Variants in SYNRG observed in about 807,000 individuals in gnomAD.
SYNRG encodes the protein AP1 gamma subunit binding protein 1.
In SYNRG, 37 loss-of-function variants were observed where a neutral mutation model predicts 130.9. The ratio of observed to expected loss-of-function variants is 0.28; its 90% CI spans 0.22 to 0.37. SYNRG has a LOEUF of 0.37. Ranked by LOEUF, SYNRG falls within the 10% of genes least tolerant of loss-of-function variation. SYNRG has a pLI of 1.00. For missense variants in SYNRG, 1,338 were observed against 1,588.9 expected, an observed-to-expected ratio of 0.84 and a Z score of 2.68; for synonymous variants, 539 against 568.1, an observed-to-expected ratio of 0.95 and a Z score of 0.73.
chr17:37,520,159 A>C lies in SYNRG; in HGVS notation c.3813+20T>G. 1 of 1,614,088 alleles carries C rather than the reference A, an allele frequency of 6.2e-7. No individual in the cohort carries two copies. Among genetic ancestry groups the C allele is most frequent in the Non-Finnish European group, 8.5e-7 (1 of 1,179,928 alleles). On this transcript the variant is annotated intron_variant, in intron 21 of 21. Coordinates refer to ENST00000612223, the MANE Select transcript of SYNRG (RefSeq NM_007247.6). Reference sequence around the variant, plus strand: ...AAAATTAAAATGGAGACGCTAAGATAAGGTGTAACTGGTTCATACTTTTTT... The same window carrying C: ...AAAATTAAAATGGAGACGCTAAGATCAGGTGTAACTGGTTCATACTTTTTT...
At chr17:37,579,748 AG>A (rs2061140593) in intron 6 of SYNRG, among the ~76,000 whole-genome samples, 3 of 152,324 alleles carry the variant, frequency 2.0e-5, no homozygotes, top group African/African-American at 7.2e-5. Context: ...TCTGTCACCT[AG>A]GCTACAGTGC....
At chr17:37,540,607 T>C in intron 15 of SYNRG, 64 bp from the exon 16 acceptor site, 3 of 1,447,700 alleles carry the variant, frequency 2.1e-6, no homozygotes, top group South Asian at 2.6e-5. Flanking sequence ...GCAGAGGCTC[T>C]TCCTCGCTAC....
In SYNRG at chr17:37,589,618, G is replaced by A. The variant is rs948063032; in HGVS notation, c.241-3069C>T. Among the ~76,000 whole-genome samples, 15 of 152,018 alleles carry A rather than the reference G, an allele frequency of 9.9e-5. No homozygotes were observed. In the South Asian group the frequency reaches 1.7e-3, roughly 17 times the overall value. Reference sequence around the variant, plus strand: ...CAAAAAATTAGCCGGGCGTGGTGGCGGGCGCCTGTAGTCCCATCTATTCGG... The same window carrying A: ...CAAAAAATTAGCCGGGCGTGGTGGCAGGCGCCTGTAGTCCCATCTATTCGG... On this transcript the variant is annotated intron_variant, in intron 3 of 21. Coordinates refer to ENST00000612223, the MANE Select transcript of SYNRG (RefSeq NM_007247.6).
chr17:37,586,472 A>T lies in SYNRG; in HGVS notation c.318T>A (p.Pro106=), dbSNP rs2061696669. Residue 106 remains proline (P), a synonymous_variant, in exon 4 of 22, where the codon CCT becomes CCA. Coordinates refer to ENST00000612223, the MANE Select transcript of SYNRG (RefSeq NM_007247.6). The stretch of plus-strand genomic sequence containing the variant: ...TGTCTGGAGTGTACTGTGGGCCTGG[A>T]GGACGCATGCCCAGGAAGGGTGCTT... ...LGQAPFLGMR[P]PGPQYTPDMQ... is the part of the protein sequence containing the mutation. 6.2e-7 allele frequency: 1 copy of T among 1,614,136 alleles called. No individual in the cohort carries two copies. Among genetic ancestry groups the T allele is most frequent in the Non-Finnish European group, 8.5e-7 (1 of 1,180,028 alleles).
chr17:37,561,367 G>T, intron 12 of SYNRG, 104 bp downstream of exon 12: 1 of 1,406,752 alleles, frequency 7.1e-7, no homozygotes, highest in Non-Finnish European at 1.0e-6. Context: ...TGGTATACAG[G>T]CATTTTACAT....
intron 19 of SYNRG, among the ~76,000 whole-genome samples, chr17:37,531,432 C>A (rs1203341443): frequency 6.6e-6 from 1 of 151,470 alleles, no homozygotes; most frequent in African/African-American, 2.4e-5. Context: ...GCAACAAATG[C>A]TATTGAAAGA....
At chr17:37,544,298 T>G (rs1286898232) in intron 14 of SYNRG, among the ~76,000 whole-genome samples, 1 of 151,800 alleles carries the variant, frequency 6.6e-6, no homozygotes, top group Non-Finnish European at 1.5e-5. Flanking sequence ...ACGACTCAGG[T>G]GAAAAGTTTT....
chr17:37,586,608 A>AAAAATGTGACTTCCAT lies in SYNRG; in HGVS notation c.241-75_241-60dup, dbSNP rs903238277. On this transcript the variant is annotated intron_variant, in intron 3 of 21. Transcript: ENST00000612223. ...ATTTATCCCTTTAATTATCACACACAAAAATGTGACTTCCATAAATTCTAT... is the reference window on the plus strand; with the variant it reads ...ATTTATCCCTTTAATTATCACACACAAAAATGTGACTTCCATAAAATGTGACTTCCATAAATTCTAT... 1.9e-6 allele frequency: 3 copies of AAAAATGTGACTTCCAT among 1,581,500 alleles called. No individual in the cohort carries two copies. The Admixed American group carries it at 5.3e-5, about 28-fold the overall frequency.
At chr17:37,575,210 G>A (rs2060722463) in intron 8 of SYNRG, among the ~76,000 whole-genome samples, 1 of 152,038 alleles carries the variant, frequency 6.6e-6, no homozygotes, top group Admixed American at 6.6e-5. Context: ...AATATAGTTG[G>A]ATAGGAGGAA....
chr17:37,571,830 T>C lies in SYNRG; in HGVS notation c.1059A>G (p.Glu353=). 1.9e-6 allele frequency: 3 copies of C among 1,614,188 alleles called. No homozygotes were observed. Among genetic ancestry groups the C allele is most frequent in the Non-Finnish European group, 2.5e-6 (3 of 1,180,036 alleles). ...TCATGGCTAGAACGGTATAAAGTTC[T>C]TCTTTTGTAAGTTTGCCAGGTGTAG... ...NRTTPGKLTK[E]ELYTVLAMIA... Residue 353 remains glutamate (E), a synonymous_variant, in exon 9 of 22, where the codon GAA becomes GAG. Transcript: ENST00000612223.
chr17:37,562,390 TTTCTTC>T (rs35772731), intron 11 of SYNRG, among the ~76,000 whole-genome samples: 22 of 151,810 alleles, frequency 1.4e-4, no homozygotes, highest in East Asian at 3.9e-4. Context: ...AGCATTACTT[TTTCTTC>T]TTCTTCTTCT....
intron 3 of SYNRG, among the ~76,000 whole-genome samples, chr17:37,587,910 T>C (rs990927529): frequency 6.6e-6 from 1 of 152,228 alleles, no homozygotes; most frequent in Non-Finnish European, 1.5e-5. Context: ...CCTATCCTTC[T>C]AGCTCATCTA....
chr17:37,577,467 C>T lies in SYNRG; in HGVS notation c.736G>A (p.Gly246Arg). 2 of 1,614,158 alleles carry T rather than the reference C, an allele frequency of 1.2e-6. No individual in the cohort carries two copies. The highest frequency in any genetic ancestry group is 1.7e-6 in the Non-Finnish European group (2 of 1,180,028). ...KKYPSLMASN[G>R]VAVDGCVSGT... The stretch of plus-strand genomic sequence containing the variant: ...CTTACACATCCATCTACAGCAACCC[C>T]GTTACTGGCCATTAAACTGGGATAC... Residue 246 changes from glycine to arginine, a missense_variant, in exon 7 of 22, where the codon GGG becomes AGG. Gly to Arg is a moderately radical substitution (Grantham distance 125). Coordinates refer to ENST00000612223, the MANE Select transcript of SYNRG (RefSeq NM_007247.6).
rs1486325720 is a variant in SYNRG at position 37,585,654 on chromosome 17, AT to A, written c.372-225del. ...TGATTTACCTAAATTATGTATATGA[AT>A]TTATTTCTCATCTAATTTGCAAGAG... On this transcript the variant is annotated intron_variant, in intron 4 of 21. Transcript: ENST00000612223. Among the ~76,000 whole-genome samples the A allele has an allele frequency of 4.6e-5, 7 of 152,354 alleles. No individual in the cohort carries two copies. In the South Asian group the frequency reaches 1.4e-3, roughly 32 times the overall value.
chr17:37,519,178 G>A (rs1017030230), intron 21 of SYNRG, 107 bp from the exon 22 acceptor site: 5 of 1,436,316 alleles, frequency 3.5e-6, no homozygotes, highest in Non-Finnish European at 4.7e-6. Flanking sequence ...AGAGGCTGAG[G>A]CCAAAATGGC....
rs1258134227 is a variant in SYNRG at position 37,521,072 on chromosome 17, G to A, written c.3667-424C>T. Among the ~76,000 whole-genome samples the A allele has an allele frequency of 1.4e-4, 20 of 146,240 alleles. No individual in the cohort carries two copies. In the South Asian group the frequency reaches 3.1e-3, roughly 22 times the overall value. On this transcript the variant is annotated intron_variant, in intron 19 of 21. Coordinates refer to ENST00000612223, the MANE Select transcript of SYNRG (RefSeq NM_007247.6). Reference sequence around the variant, plus strand: ...TTTGGAGACAGAGTCTCACTCTGTCGCCCAGGCTGGAGTGCAATGGTGTGA... The same window carrying A: ...TTTGGAGACAGAGTCTCACTCTGTCACCCAGGCTGGAGTGCAATGGTGTGA...
At chr17:37,571,653 C>T in intron 9 of SYNRG, 138 bp downstream of exon 9, 2 of 753,966 alleles carry the variant, frequency 2.7e-6, no homozygotes, top group Non-Finnish European at 4.1e-6. Context: ...ATAAACTCTA[C>T]ATTTTTGAAG....
intron 21 of SYNRG, 103 bp downstream of exon 21, chr17:37,520,076 T>C: frequency 7.7e-7 from 1 of 1,292,252 alleles, no homozygotes; most frequent in Non-Finnish European, 1.1e-6. Context: ...GAAGGATTCA[T>C]GATTGGAACA....
At chr17:37,541,840 T>C (rs1305256095) in intron 15 of SYNRG, 132 bp downstream of exon 15, 4 of 866,736 alleles carry the variant, frequency 4.6e-6, no homozygotes, top group Non-Finnish European at 5.3e-6. Context: ...CTATCTGTAA[T>C]TGACCCTGAT....
Sources: gnomAD v4.1 joint callset for allele counts (sites outside exome capture counted in the v4.1 genomes callset) on GRCh38, gnomAD v4.1.1 for gene constraint, MANE v1.5 for transcripts, NCBI Gene and HGNC (gene_info 2026-07-23, HGNC 2026-07-21) for gene names.